Variants in PBX3 observed in about 807,000 individuals in gnomAD.
PBX3 encodes the protein PBX homeobox 3, also known as pre-B-cell leukemia transcription factor 3.
PBX3 carries 14 observed loss-of-function variants against 48.5 expected under a neutral mutation model. The observed-to-expected ratio is 0.29, with a 90% CI of 0.19 to 0.45. The LOEUF (loss-of-function observed/expected upper bound fraction) is 0.45, where lower values mean the gene tolerates loss of function less well. Among genes scored for constraint, PBX3 ranks in the 20% least tolerant of loss-of-function variants. The pLI is 1.00. For missense variants in PBX3, 386 were observed against 546.7 expected (o/e 0.71, Z 2.93); for synonymous variants, 210 against 200.3 (o/e 1.05, Z -0.41).
At chr9:125,831,431 T>G (rs1346248987) in intron 2 of PBX3, among the ~76,000 whole-genome samples, 1 of 152,098 alleles carries the variant, frequency 6.6e-6, no homozygotes, top group Non-Finnish European at 1.5e-5. Flanking sequence ...CAGAATGTTT[T>G]TTTTTTTTTG....
chr9:125,862,067 C>T (rs938015747), intron 2 of PBX3, among the ~76,000 whole-genome samples: 3 of 152,152 alleles, frequency 2.0e-5, no homozygotes, highest in African/African-American at 4.8e-5. Context: ...AACATTTTCA[C>T]ATTTCTGAAA....
At chr9:125,806,855 C>T (rs1316890915) in intron 2 of PBX3, among the ~76,000 whole-genome samples, 1 of 152,134 alleles carries the variant, frequency 6.6e-6, no homozygotes. Context: ...GATTGCTGTG[C>T]AGGAAATAAT....
At position 125,794,905 on chromosome 9, in the gene PBX3, C is replaced by G. The variant is rs368103517; in HGVS notation, c.274+46282C>G. Among the ~76,000 whole-genome samples the G allele has an allele frequency of 1.4e-4, 22 of 152,240 alleles. 1 individual carries two copies. The South Asian group carries it at 2.9e-3, about 20-fold the overall frequency. ...AGGCAACCCTTCCATTAGCCTGTTC[C>G]TAATGTTTGCACTGAATGAGCCATT... On this transcript the variant is annotated intron_variant, in intron 2 of 8. Coordinates refer to ENST00000373489, the MANE Select transcript of PBX3 (RefSeq NM_006195.6).
At chr9:125,960,079 A>G (rs1192793471) in intron 5 of PBX3, among the ~76,000 whole-genome samples, 1 of 151,458 alleles carries the variant, frequency 6.6e-6, no homozygotes, top group Non-Finnish European at 1.5e-5. Context: ...CTGTGTTTAC[A>G]TTTGACCTGG....
intron 2 of PBX3, among the ~76,000 whole-genome samples, chr9:125,781,036 C>T (rs1837290560): frequency 8.1e-6 from 1 of 123,304 alleles, no homozygotes; most frequent in Non-Finnish European, 1.6e-5. Flanking sequence ...ACTTTCCAGA[C>T]TGGGCAGCCA....
intron 5 of PBX3, among the ~76,000 whole-genome samples, chr9:125,952,711 G>GCCTGT (rs1235537063): frequency 2.0e-5 from 3 of 152,156 alleles, no homozygotes; most frequent in African/African-American, 7.2e-5. Context: ...CCAGCACAAG[G>GCCTGT]CCTGGCACTT....
At chr9:125,892,113 A>G (rs1952670) in intron 2 of PBX3, among the ~76,000 whole-genome samples, 110,916 of 151,878 alleles carry the variant, frequency 0.73, 40,926 homozygotes, top group African/African-American at 0.81. Context: ...AGTAGAGATG[A>G]GGTTTCACTA....
At chr9:125,798,365 C>T (rs1837843526) in intron 2 of PBX3, among the ~76,000 whole-genome samples, 1 of 152,078 alleles carries the variant, frequency 6.6e-6, no homozygotes, top group Non-Finnish European at 1.5e-5. Flanking sequence ...ATATTCTAAG[C>T]CACAATTGTT....
chr9:125,793,366 A>ATATATATATATATATATATATATAT (rs1554855766), intron 2 of PBX3, among the ~76,000 whole-genome samples: 15 of 101,928 alleles, frequency 1.5e-4, no homozygotes, highest in African/African-American at 3.8e-4. Context: ...GGAAAAAAAA[A>ATATATATATATATATATATATATAT]ATATATATAT....
chr9:125,810,196 A>T (rs1389557563), intron 2 of PBX3, among the ~76,000 whole-genome samples: 3 of 152,146 alleles, frequency 2.0e-5, no homozygotes, highest in Non-Finnish European at 4.4e-5. Flanking sequence ...TTTTATAAAA[A>T]TTTCTGTTTT....
Position 125,960,691 on chromosome 9 carries a change from A to G in PBX3, c.851A>G (p.Asn284Ser), listed in dbSNP as rs1564192428. Residue 284 changes from asparagine to serine, a missense_variant, in exon 6 of 9, where the codon AAT becomes AGT. Asn to Ser is a conservative substitution (Grantham distance 46, BLOSUM62 1). Transcript: ENST00000373489. ...KCSITVSQVS[N>S]WFGNKRIRYK... Reference sequence around the variant, plus strand: ...TGTCCCTGCAATTTGTAGGTATCCAATTGGTTTGGCAACAAACGAATCAGG... The same window carrying G: ...TGTCCCTGCAATTTGTAGGTATCCAGTTGGTTTGGCAACAAACGAATCAGG... 1.2e-6 allele frequency: 2 copies of G among 1,614,154 alleles called. No individual in the cohort carries two copies. The highest frequency in any genetic ancestry group is 1.7e-6 in the Non-Finnish European group (2 of 1,179,982).
intron 2 of PBX3, among the ~76,000 whole-genome samples, chr9:125,852,002 A>G (rs1364008799): frequency 6.6e-6 from 1 of 151,976 alleles, no homozygotes; most frequent in African/African-American, 2.4e-5. Flanking sequence ...AAATTCCCAA[A>G]TGTGGTATTC....
intron 2 of PBX3, among the ~76,000 whole-genome samples, chr9:125,830,828 G>T (rs914089211): frequency 6.6e-6 from 1 of 151,530 alleles, no homozygotes; most frequent in Admixed American, 6.6e-5. Context: ...CTAGCTGTTT[G>T]ATTCTAAGTC....
intron 2 of PBX3, among the ~76,000 whole-genome samples, chr9:125,780,233 CG>C (rs1360232282): frequency 7.8e-6 from 1 of 128,448 alleles, no homozygotes; most frequent in Non-Finnish European, 1.6e-5. Context: ...GCTGGCCGGG[CG>C]GGGGGCTGAG....
chr9:125,834,909 C>G (rs1588200168), intron 2 of PBX3, among the ~76,000 whole-genome samples: 1 of 146,366 alleles, frequency 6.8e-6, no homozygotes, highest in South Asian at 2.2e-4. Flanking sequence ...CCCAGCTATT[C>G]AGGAGGCTGA....
At chr9:125,883,804 C>T (rs144382269) in intron 2 of PBX3, among the ~76,000 whole-genome samples, 3 of 152,270 alleles carry the variant, frequency 2.0e-5, no homozygotes, top group Admixed American at 6.5e-5. Flanking sequence ...ATTTATAGTA[C>T]TAATAAAACC....
At chr9:125,834,467 G>C (rs1423009983) in intron 2 of PBX3, among the ~76,000 whole-genome samples, 1 of 151,632 alleles carries the variant, frequency 6.6e-6, no homozygotes, top group South Asian at 2.1e-4. Flanking sequence ...GCTTGATCTC[G>C]GCTCACTGCA....
At chr9:125,895,784 CA>C (rs1840755662) in intron 2 of PBX3, among the ~76,000 whole-genome samples, 1 of 151,984 alleles carries the variant, frequency 6.6e-6, no homozygotes, top group African/African-American at 2.4e-5. Flanking sequence ...TTCATGCATA[CA>C]AAATAATTTA....
intron 2 of PBX3, among the ~76,000 whole-genome samples, chr9:125,899,287 A>T (rs1420313226): frequency 4.2e-5 from 5 of 118,958 alleles, no homozygotes; most frequent in Admixed American, 8.8e-5. Context: ...ATGTATATAT[A>T]TTTATATATA....
Sources: gnomAD v4.1 joint callset for allele counts (sites outside exome capture counted in the v4.1 genomes callset) on GRCh38, gnomAD v4.1.1 for gene constraint, MANE v1.5 for transcripts, NCBI Gene and HGNC (gene_info 2026-07-23, HGNC 2026-07-21) for gene names.